The following GALNT13 variants were observed in gnomAD, a reference collection of about 807,000 sequenced individuals.
GALNT13 encodes the protein polypeptide N-acetylgalactosaminyltransferase 13.
Under a neutral mutation model 64.2 loss-of-function variants are expected in GALNT13, and 28 were observed. The observed-to-expected ratio is 0.44, with a 90% CI of 0.32 to 0.60. GALNT13 has a LOEUF of 0.60. Ranked by LOEUF, GALNT13 falls within the 20% of genes least tolerant of loss-of-function variation. The probability of loss-of-function intolerance (pLI) is 0.05; values close to 1 mark genes in which losing one functional copy is unlikely to be tolerated. For synonymous variants in GALNT13, 214 were observed against 224.6 expected (o/e 0.95, Z 0.42); for missense variants, 577 against 669.8 (o/e 0.86, Z 1.53).
chr2:153,277,300 G>A, the GALNT13 span, among the ~76,000 whole-genome samples: 1 of 152,124 alleles, frequency 6.6e-6, no homozygotes, highest in African/African-American at 2.4e-5. Flanking sequence ...ATGAGAACAT[G>A]CTGTATTTGC....
chr2:153,810,758 G>T, the GALNT13 span, among the ~76,000 whole-genome samples: 1 of 152,148 alleles, frequency 6.6e-6, no homozygotes, highest in Admixed American at 6.5e-5. Context: ...AATCAAGGAA[G>T]AATGCTATAT....
At chr2:154,161,783 A>ATT (rs199651253) in intron 4 of GALNT13, among the ~76,000 whole-genome samples, 15 of 147,674 alleles carry the variant, frequency 1.0e-4, no homozygotes, top group South Asian at 4.3e-4. Context: ...AATCAAGTGT[A>ATT]TTTTTTTTTT....
the GALNT13 span, among the ~76,000 whole-genome samples, chr2:153,658,314 A>G: frequency 6.6e-6 from 1 of 152,128 alleles, no homozygotes; most frequent in East Asian, 1.9e-4. Context: ...ACTTCTGCCA[A>G]TGGCCAACTA....
chr2:153,438,032 A>G, the GALNT13 span, among the ~76,000 whole-genome samples: 1 of 152,126 alleles, frequency 6.6e-6, no homozygotes, highest in Non-Finnish European at 1.5e-5. Flanking sequence ...TGGTGACAAA[A>G]TCTCTCAGCA....
the GALNT13 span, among the ~76,000 whole-genome samples, chr2:153,335,407 A>G: frequency 6.6e-6 from 1 of 152,192 alleles, no homozygotes; most frequent in Non-Finnish European, 1.5e-5. Flanking sequence ...TTCTATGGTG[A>G]TATGGACAAT....
the GALNT13 span, chr2:153,478,582 C>G: frequency 6.5e-7 from 1 of 1,532,700 alleles, no homozygotes; most frequent in East Asian, 2.3e-5. Context: ...AACGGGCGGG[C>G]GCCGCGAGCG....
Position 154,021,400 on chromosome 2 carries a change from T to C in GALNT13, c.142+76761T>C, listed in dbSNP as rs543914297. Among the ~76,000 whole-genome samples, 36 of 152,314 alleles carry C rather than the reference T, an allele frequency of 2.4e-4. No homozygotes were observed. The East Asian group carries it at 6.6e-3, about 28-fold the overall frequency. Reference sequence around the variant, plus strand: ...CTTGAGCAGTGGTTTGTAGTTCTCCTTGAAGAGGTCCTTCACATCCCTTGT... The same window carrying C: ...CTTGAGCAGTGGTTTGTAGTTCTCCCTGAAGAGGTCCTTCACATCCCTTGT... On this transcript the variant is annotated intron_variant, in intron 3 of 12. Coordinates refer to ENST00000392825, the MANE Select transcript of GALNT13 (RefSeq NM_052917.4).
chr2:154,442,626 T>G (rs909747566), intron 12 of GALNT13, among the ~76,000 whole-genome samples: 4 of 152,154 alleles, frequency 2.6e-5, no homozygotes, highest in African/African-American at 4.8e-5. Flanking sequence ...TTTTATAAAG[T>G]TCTGTCATCC....
At chr2:153,716,933 G>T in the GALNT13 span, among the ~76,000 whole-genome samples, 44 of 152,172 alleles carry the variant, frequency 2.9e-4, no homozygotes, top group African/African-American at 1.0e-3. Flanking sequence ...TTCCTTTCAA[G>T]ATGAATCCTG....
chr2:153,655,949 A>T, the GALNT13 span, among the ~76,000 whole-genome samples: 2 of 152,146 alleles, frequency 1.3e-5, no homozygotes, highest in African/African-American at 4.8e-5. Context: ...TAAGTCCTTT[A>T]ATAGGTATAA....
chr2:154,421,617 T>C (rs895901360), intron 11 of GALNT13, among the ~76,000 whole-genome samples: 3 of 152,088 alleles, frequency 2.0e-5, no homozygotes, highest in African/African-American at 7.2e-5. Flanking sequence ...TCCAAATCTA[T>C]TCTTAACATT....
At chr2:154,036,080 G>A (rs1456930308) in intron 3 of GALNT13, among the ~76,000 whole-genome samples, 1 of 151,866 alleles carries the variant, frequency 6.6e-6, no homozygotes, top group Non-Finnish European at 1.5e-5. Flanking sequence ...TATAAATGTA[G>A]CTATTCTAAA....
the GALNT13 span, among the ~76,000 whole-genome samples, chr2:153,654,702 C>T: frequency 6.6e-6 from 1 of 152,184 alleles, no homozygotes; most frequent in Non-Finnish European, 1.5e-5. Flanking sequence ...ATAGTATTCA[C>T]ATGGTATTCA....
the GALNT13 span, among the ~76,000 whole-genome samples, chr2:153,566,348 GTTTTTT>G: frequency 4.5e-3 from 340 of 74,752 alleles, 5 homozygotes; most frequent in Middle Eastern, 0.014. Flanking sequence ...TTCTAATCAC[GTTTTTT>G]TTTTTTTTTT....
At chr2:154,387,787 G>T (rs13018972) in intron 9 of GALNT13, among the ~76,000 whole-genome samples, 16,531 of 152,054 alleles carry the variant, frequency 0.11, 1,001 homozygotes, top group Non-Finnish European at 0.14. Flanking sequence ...GTGCTTCATT[G>T]CATAGAATAC....
At chr2:153,751,509 C>T in the GALNT13 span, among the ~76,000 whole-genome samples, 2 of 151,650 alleles carry the variant, frequency 1.3e-5, no homozygotes, top group African/African-American at 4.8e-5. Flanking sequence ...TCTATGTGCT[C>T]TCATGTTGGG....
the GALNT13 span, among the ~76,000 whole-genome samples, chr2:153,559,780 C>T: frequency 2.0e-5 from 3 of 151,960 alleles, no homozygotes; most frequent in Non-Finnish European, 2.9e-5. Flanking sequence ...TTTATCTGTA[C>T]TTGTTTGCTG....
chr2:153,113,809 GA>G, the GALNT13 span, among the ~76,000 whole-genome samples: 11 of 151,978 alleles, frequency 7.2e-5, no homozygotes, highest in Non-Finnish European at 1.3e-4. Flanking sequence ...CTTATTTGGG[GA>G]AAAAATACTG....
the GALNT13 span, among the ~76,000 whole-genome samples, chr2:153,781,033 CT>C: frequency 6.6e-6 from 1 of 152,064 alleles, no homozygotes; most frequent in African/African-American, 2.4e-5. Flanking sequence ...AAACTTGGTC[CT>C]GAGAGGCAAT....
Sources: gnomAD v4.1 joint callset for allele counts (sites outside exome capture counted in the v4.1 genomes callset) on GRCh38, gnomAD v4.1.1 for gene constraint, MANE v1.5 for transcripts, NCBI Gene and HGNC (gene_info 2026-07-23, HGNC 2026-07-21) for gene names.